Variants in KIRREL3 observed in about 807,000 individuals in gnomAD.
KIRREL3 encodes kin of IRRE-like protein 3.
Under a neutral mutation model 89.7 loss-of-function variants are expected in KIRREL3, and 36 were observed. The ratio of observed to expected loss-of-function variants is 0.40; its 90% confidence interval spans 0.31 to 0.53. The LOEUF is 0.53. Ranked by LOEUF, KIRREL3 falls within the 20% of genes least tolerant of loss-of-function variation. The pLI, the probability that KIRREL3 is intolerant of heterozygous loss-of-function variation, is 0.49. For missense variants in KIRREL3, 864 were observed against 1,056.6 expected, an observed-to-expected ratio of 0.82 and a Z score of 2.53; for synonymous variants, 445 against 441.4, an observed-to-expected ratio of 1.01 and a Z score of -0.10.
intron 1 of KIRREL3, among the ~76,000 whole-genome samples, chr11:126,958,025 A>C (rs1456993595): frequency 6.6e-6 from 1 of 152,230 alleles, no homozygotes; most frequent in East Asian, 1.9e-4. Flanking sequence ...TGAAAGCCTT[A>C]CAGATTCTGA....
rs775308491 is a variant in KIRREL3 at position 126,681,621 on chromosome 11, C to CACACACACAT, written c.56-118710_56-118709insATGTGTGTGT. Among the ~76,000 whole-genome samples the CACACACACAT allele has an allele frequency of 4.5e-3, 689 of 152,144 alleles. 2 individuals carry two copies. Among genetic ancestry groups the CACACACACAT allele is most frequent in the Middle Eastern group, 6.8e-3 (2 of 294 alleles). On this transcript the variant is annotated intron_variant, in intron 1 of 16. Transcript: ENST00000525144. ...GAATGTATATACAGACACACACACA[C>CACACACACAT]ACACACCAGATCAAGCACACACTGG...
At position 126,989,368 on chromosome 11, in the gene KIRREL3, G is replaced by A. The variant is rs1949959298; in HGVS notation, c.55+11087C>T. ...GGCAGTGGCAGCTCACCCTGATGCAGAGAGAGCGGCAAGGGACTCTGATGG... is the reference window on the plus strand; with the variant it reads ...GGCAGTGGCAGCTCACCCTGATGCAAAGAGAGCGGCAAGGGACTCTGATGG... On this transcript the variant is annotated intron_variant, in intron 1 of 16. Coordinates refer to ENST00000525144, the MANE Select transcript of KIRREL3 (RefSeq NM_032531.4). The surrounding 1 kb of genome is among the most constrained non-coding windows in gnomAD (Gnocchi z 6.2). 6.6e-6 allele frequency among the ~76,000 whole-genome samples: 1 copy of A among 152,194 alleles called. No individual in the cohort carries two copies. Among genetic ancestry groups the A allele is most frequent in the South Asian group, 2.1e-4 (1 of 4,836 alleles).
intron 1 of KIRREL3, among the ~76,000 whole-genome samples, chr11:126,626,425 G>C (rs1208532257): frequency 6.6e-6 from 1 of 152,218 alleles, no homozygotes; most frequent in African/African-American, 2.4e-5. Flanking sequence ...TAACCAGCAT[G>C]GCATGTGCAT....
At chr11:126,440,595 C>G in intron 10 of KIRREL3, 46 bp from the exon 11 acceptor site, 1 of 1,503,080 alleles carries the variant, frequency 6.7e-7, no homozygotes, top group Non-Finnish European at 9.1e-7. Context: ...AGGGCACGTC[C>G]CTGCTGGCGC....
intron 2 of KIRREL3, among the ~76,000 whole-genome samples, chr11:126,548,113 C>T (rs1163036825): frequency 6.6e-6 from 1 of 152,142 alleles, no homozygotes; most frequent in African/African-American, 2.4e-5. Flanking sequence ...TCAGTCAGAA[C>T]AAATAGCTTC....
chr11:126,588,419 A>G (rs1941974574), intron 1 of KIRREL3, among the ~76,000 whole-genome samples: 1 of 152,196 alleles, frequency 6.6e-6, no homozygotes, highest in African/African-American at 2.4e-5. Context: ...TGGGAGGGCT[A>G]TGCTGGCTGA....
intron 2 of KIRREL3, among the ~76,000 whole-genome samples, chr11:126,543,209 C>T (rs1310978756): frequency 1.3e-5 from 2 of 152,164 alleles, no homozygotes; most frequent in African/African-American, 4.8e-5. Context: ...CCATTACTGC[C>T]CTAGTCTCTC....
At chr11:126,532,721 T>C (rs1237302226) in intron 2 of KIRREL3, among the ~76,000 whole-genome samples, 2 of 152,080 alleles carry the variant, frequency 1.3e-5, no homozygotes, top group East Asian at 3.9e-4. Context: ...TGAAAAGTGA[T>C]TTCTTGGTTT....
At chr11:126,858,210 C>G (rs1232918249) in intron 1 of KIRREL3, among the ~76,000 whole-genome samples, 1 of 152,212 alleles carries the variant, frequency 6.6e-6, no homozygotes, top group Non-Finnish European at 1.5e-5. Context: ...GAGCTTTTCT[C>G]TCATTAACCT....
intron 1 of KIRREL3, among the ~76,000 whole-genome samples, chr11:126,822,906 C>T (rs1943276456): frequency 6.6e-6 from 1 of 152,134 alleles, no homozygotes; most frequent in Admixed American, 6.5e-5. Flanking sequence ...GTGTTATATC[C>T]ACTGTATACT....
chr11:126,711,157 T>G (rs1947739159), intron 1 of KIRREL3, among the ~76,000 whole-genome samples: 2 of 152,178 alleles, frequency 1.3e-5, no homozygotes, highest in South Asian at 4.1e-4. Flanking sequence ...TAGAGAAAAA[T>G]CTCTGCTCCA....
rs143676602 is a variant in KIRREL3, at chr11:126,991,471, TTTA to T, written c.55+8981_55+8983del. Among the ~76,000 whole-genome samples the T allele has an allele frequency of 4.6e-5, 7 of 151,454 alleles. No homozygotes were observed. Among genetic ancestry groups the T allele is most frequent in the African/African-American group, 1.2e-4 (5 of 41,214 alleles). On this transcript the variant is annotated intron_variant, in intron 1 of 16. Coordinates refer to ENST00000525144, the MANE Select transcript of KIRREL3 (RefSeq NM_032531.4). The surrounding 1 kb of genome is among the most constrained non-coding windows in gnomAD (Gnocchi z 5.8). ...AGTCCCTGCCTTTGCTTCCTTCCTT[TTTA>T]TTATTATTATTATTATTATTTGTCA...
At chr11:126,711,643 G>A (rs1275335175) in intron 1 of KIRREL3, among the ~76,000 whole-genome samples, 4 of 152,222 alleles carry the variant, frequency 2.6e-5, no homozygotes, top group Non-Finnish European at 5.9e-5. Context: ...CATGTTAGCT[G>A]TAAAATTAAA....
chr11:126,752,208 G>T lies in KIRREL3; in HGVS notation c.56-189296C>A, dbSNP rs182777166. 3.3e-5 allele frequency among the ~76,000 whole-genome samples: 5 copies of T among 152,150 alleles called. No individual in the cohort carries two copies. The East Asian group carries it at 9.6e-4, about 29-fold the overall frequency. On this transcript the variant is annotated intron_variant, in intron 1 of 16. Transcript: ENST00000525144. This position sits in a 1 kb window ranked among gnomAD's most constrained non-coding sequence, Gnocchi z 4.8. ...TTCCCAGGCTCAGCGTGGGTTGGTT[G>T]GGGGGGTTTCTTGAAGCATTGTAGC... is the stretch of plus-strand genomic sequence containing the variant.
At position 126,575,264 on chromosome 11, in the gene KIRREL3, A is replaced by T. The variant is rs373950632; in HGVS notation, c.56-12352T>A. On this transcript the variant is annotated intron_variant, in intron 1 of 16. Coordinates refer to ENST00000525144, the MANE Select transcript of KIRREL3 (RefSeq NM_032531.4). This position sits in a 1 kb window ranked among gnomAD's most constrained non-coding sequence, Gnocchi z 7.0. ...GGTTCTCTCTTGGCTCCTGAGGCCA[A>T]GAGAAGCCAGCCTAGGAAGGTTGGA... Among the ~76,000 whole-genome samples the T allele has an allele frequency of 6.6e-6, 1 of 152,202 alleles. No homozygotes were observed. The highest frequency in any genetic ancestry group is 6.5e-5 in the Admixed American group (1 of 15,276).
Position 126,620,786 on chromosome 11 carries a change from A to G in KIRREL3, c.56-57874T>C, listed in dbSNP as rs116843648. On this transcript the variant is annotated intron_variant, in intron 1 of 16. Coordinates refer to ENST00000525144, the MANE Select transcript of KIRREL3 (RefSeq NM_032531.4). This position sits in a 1 kb window ranked among gnomAD's most constrained non-coding sequence, Gnocchi z 4.8. Reference sequence around the variant, plus strand: ...AAATTCCTTCTTTAGCTTCTAATAAATCATCCAAACCCAGAGAAGATAACT... The same window carrying G: ...AAATTCCTTCTTTAGCTTCTAATAAGTCATCCAAACCCAGAGAAGATAACT... 0.016 allele frequency among the ~76,000 whole-genome samples: 2,382 copies of G among 152,308 alleles called. 23 individuals carry two copies. Among genetic ancestry groups the G allele is most frequent in the Middle Eastern group, 0.088 (26 of 294 alleles).
chr11:126,433,125 C>T (rs990875789), intron 13 of KIRREL3, among the ~76,000 whole-genome samples: 3 of 152,152 alleles, frequency 2.0e-5, no homozygotes, highest in South Asian at 4.1e-4. Context: ...GTGATCCGCC[C>T]GCCTCAGCCT....
In KIRREL3 at chr11:126,740,318, A is replaced by G. The variant is rs1490679781; in HGVS notation, c.56-177406T>C. 3.3e-5 allele frequency among the ~76,000 whole-genome samples: 5 copies of G among 152,240 alleles called. No individual in the cohort carries two copies. The highest frequency in any genetic ancestry group is 7.3e-5 in the Non-Finnish European group (5 of 68,048). ...AAGCAACAGCATAGAATATGATTTT[A>G]TAAACAGGATAGAAAGAAATTAAAG... On this transcript the variant is annotated intron_variant, in intron 1 of 16. Coordinates refer to ENST00000525144, the MANE Select transcript of KIRREL3 (RefSeq NM_032531.4). The surrounding 1 kb of genome is among the most constrained non-coding windows in gnomAD (Gnocchi z 6.0).
At chr11:126,499,358 C>T (rs377690025) in intron 4 of KIRREL3, among the ~76,000 whole-genome samples, 6 of 152,128 alleles carry the variant, frequency 3.9e-5, no homozygotes, top group African/African-American at 7.2e-5. Flanking sequence ...TGCAAACTCC[C>T]GGTTGCCCTA....
Sources: allele counts gnomAD v4.1 joint callset (sites outside exome capture counted in the v4.1 genomes callset), GRCh38; gene constraint gnomAD v4.1.1; non-coding constraint Gnocchi (gnomAD v3.1); transcripts MANE v1.5; gene names NCBI Gene and HGNC (gene_info 2026-07-23, HGNC 2026-07-21).